SDCCAG8: variants seen among roughly 807,000 people sequenced by gnomAD.
The protein encoded by SDCCAG8 is serologically defined colon cancer antigen 8.
Under a neutral mutation model 101.8 loss-of-function variants are expected in SDCCAG8, and 74 were observed. The observed-to-expected ratio is 0.73, with a 90% CI of 0.60 to 0.88. The LOEUF is 0.88. Among genes scored for constraint, SDCCAG8 ranks in the 40% least tolerant of loss-of-function variants. SDCCAG8 has a pLI of 0.00. For missense variants in SDCCAG8, 787 were observed against 822.6 expected, an observed-to-expected ratio of 0.96 and a Z score of 0.53; for synonymous variants, 281 against 292.9, an observed-to-expected ratio of 0.96 and a Z score of 0.41.
intron 7 of SDCCAG8, chr1:243,307,776 A>G: frequency 1.4e-6 from 2 of 1,435,752 alleles, no homozygotes; most frequent in Non-Finnish European, 1.8e-6. Flanking sequence ...TAATTATGTA[A>G]TTTATTCCAG....
intron 3 of SDCCAG8, among the ~76,000 whole-genome samples, chr1:243,273,633 T>C (rs1164779598): frequency 6.6e-6 from 1 of 152,232 alleles, no homozygotes; most frequent in Non-Finnish European, 1.5e-5. Context: ...AATGTATCTT[T>C]TTTGAGATGG....
chr1:243,387,127 A>G (rs1256389464), intron 13 of SDCCAG8, among the ~76,000 whole-genome samples: 1 of 152,202 alleles, frequency 6.6e-6, no homozygotes. Flanking sequence ...TATGACTACC[A>G]TTTATACACA....
At chr1:243,256,556 T>C (rs1432994544) in intron 1 of SDCCAG8, among the ~76,000 whole-genome samples, 2 of 152,250 alleles carry the variant, frequency 1.3e-5, no homozygotes, top group Non-Finnish European at 2.9e-5. Flanking sequence ...TACGTTGCTA[T>C]TTAATCCAAT....
intron 13 of SDCCAG8, among the ~76,000 whole-genome samples, chr1:243,385,056 G>T (rs1202095121): frequency 3.3e-5 from 5 of 152,184 alleles, no homozygotes; most frequent in Admixed American, 3.3e-4. Flanking sequence ...CTCAGCTGCT[G>T]CCCTTCAGAA....
At chr1:243,422,660 A>G (rs1349116252) in intron 15 of SDCCAG8, among the ~76,000 whole-genome samples, 1 of 152,168 alleles carries the variant, frequency 6.6e-6, no homozygotes, top group African/African-American at 2.4e-5. Context: ...TTGGGATACT[A>G]TAAAAATTAT....
chr1:243,269,495 T>G (rs774432295), intron 1 of SDCCAG8, among the ~76,000 whole-genome samples: 21 of 151,974 alleles, frequency 1.4e-4, no homozygotes, highest in Non-Finnish European at 2.4e-4. Flanking sequence ...TAACCAAGAA[T>G]CTATGAGGTG....
chr1:243,329,798 A>G (rs1251957423), intron 9 of SDCCAG8, among the ~76,000 whole-genome samples: 2 of 152,224 alleles, frequency 1.3e-5, no homozygotes, highest in East Asian at 3.8e-4. Flanking sequence ...ATAAATAAAG[A>G]TATTGTAAAA....
At chr1:243,262,797 G>A (rs1382008554) in intron 1 of SDCCAG8, among the ~76,000 whole-genome samples, 1 of 152,180 alleles carries the variant, frequency 6.6e-6, no homozygotes, top group Non-Finnish European at 1.5e-5. Context: ...TCTTCTCAGA[G>A]TCCAAAAGTA....
In SDCCAG8 at chr1:243,499,854, T is replaced by C; in HGVS notation, c.*69T>C. The C allele has an allele frequency of 1.3e-6, 2 of 1,486,800 alleles. No homozygotes were observed. Among genetic ancestry groups the C allele is most frequent in the Non-Finnish European group, 1.9e-6 (2 of 1,070,352 alleles). The allele number at this position is 1,486,800 out of a possible 1,614,324, so 92.1% of individuals were successfully genotyped here. ...TTACATTCATCTGGTTTAGACTTAA[T>C]ATGCCACAACGCACCACGACCTTCC... On this transcript the variant is annotated 3_prime_UTR_variant, in exon 18 of 18. Coordinates refer to ENST00000366541, the MANE Select transcript of SDCCAG8 (RefSeq NM_006642.5).
chr1:243,412,939 C>T (rs2080286681), intron 13 of SDCCAG8, among the ~76,000 whole-genome samples: 1 of 151,794 alleles, frequency 6.6e-6, no homozygotes, highest in Admixed American at 6.6e-5. Flanking sequence ...AAAAGCCTAC[C>T]AAGTCAGAAC....
intron 16 of SDCCAG8, among the ~76,000 whole-genome samples, chr1:243,434,296 C>T (rs2081993165): frequency 6.6e-6 from 1 of 152,234 alleles, no homozygotes. Flanking sequence ...GCCACCACCT[C>T]AGCAATTTGC....
intron 16 of SDCCAG8, among the ~76,000 whole-genome samples, chr1:243,477,654 C>A (rs543692055): frequency 5.9e-5 from 9 of 152,358 alleles, no homozygotes; most frequent in Non-Finnish European, 1.0e-4. Flanking sequence ...CTTTGAAGAG[C>A]CTCGGTGATA....
chr1:243,454,539 G>A (rs556699978), intron 16 of SDCCAG8, among the ~76,000 whole-genome samples: 11 of 152,128 alleles, frequency 7.2e-5, no homozygotes, highest in South Asian at 2.1e-4. Flanking sequence ...TGGGCATGTC[G>A]GAACAAGCAC....
chr1:243,377,576 A>C lies in SDCCAG8; in HGVS notation c.1474-1145A>C, dbSNP rs548191463. On this transcript the variant is annotated intron_variant, in intron 12 of 17. Transcript: ENST00000366541. ...TATGGTTTTGATGGAGATAAACTGA[A>C]TATTTATACTGTTATGAATTCAAGA... Among the ~76,000 whole-genome samples the C allele has an allele frequency of 1.0e-3, 155 of 152,122 alleles. 1 individual carries two copies. Among genetic ancestry groups the C allele is most frequent in the African/African-American group, 3.6e-3 (149 of 41,584 alleles).
At chr1:243,357,132 C>T (rs530052677) in intron 12 of SDCCAG8, among the ~76,000 whole-genome samples, 18 of 152,320 alleles carry the variant, frequency 1.2e-4, no homozygotes, top group Admixed American at 3.3e-4. Flanking sequence ...GTAATCCCGG[C>T]GCTTTGAGAG....
chr1:243,274,689 A>T lies in SDCCAG8; in HGVS notation c.420+33A>T. 5 of 1,248,352 alleles carry T rather than the reference A, an allele frequency of 4.0e-6. No homozygotes were observed. The South Asian group carries it at 6.0e-5, about 15-fold the overall frequency. 77.3% of individuals were successfully genotyped at this position (1,248,352 alleles called of 1,614,324 possible). On this transcript the variant is annotated intron_variant, in intron 4 of 17. Coordinates refer to ENST00000366541, the MANE Select transcript of SDCCAG8 (RefSeq NM_006642.5). ...TCTCATTAAGAATTTAAAACTAAATAAATGAAAGCTTATATTAACTATAGA... is the reference window on the plus strand; with the variant it reads ...TCTCATTAAGAATTTAAAACTAAATTAATGAAAGCTTATATTAACTATAGA...
intron 6 of SDCCAG8, among the ~76,000 whole-genome samples, chr1:243,294,797 A>T (rs2070705635): frequency 6.9e-6 from 1 of 145,206 alleles, no homozygotes; most frequent in African/African-American, 2.5e-5. Flanking sequence ...CCTTTTATGT[A>T]TGTAACAGAC....
intron 2 of SDCCAG8, 40 bp downstream of exon 2, chr1:243,270,297 T>A: frequency 6.3e-7 from 1 of 1,586,782 alleles, no homozygotes; most frequent in Non-Finnish European, 8.6e-7. Flanking sequence ...TGATGCATAG[T>A]GAATTTTTTA....
intron 8 of SDCCAG8, among the ~76,000 whole-genome samples, chr1:243,314,496 A>T (rs940173368): frequency 3.9e-5 from 6 of 152,146 alleles, no homozygotes; most frequent in African/African-American, 1.4e-4. Context: ...ACCTCTTTTG[A>T]CACCATCCTA....
Sources: gnomAD v4.1 joint callset for allele counts (sites outside exome capture counted in the v4.1 genomes callset) on GRCh38, gnomAD v4.1.1 for gene constraint, MANE v1.5 for transcripts, NCBI Gene and HGNC (gene_info 2026-07-23, HGNC 2026-07-21) for gene names.